The following PDE4B variants were observed in gnomAD, a reference collection of about 807,000 sequenced individuals.
PDE4B encodes the protein phosphodiesterase 4B.
A neutral mutation model predicts 82.2 loss-of-function variants in PDE4B; 20 were observed. The ratio of observed to expected loss-of-function variants is 0.24; its 90% CI spans 0.17 to 0.35. PDE4B has a LOEUF of 0.35. Among genes scored for constraint, PDE4B ranks in the 10% least tolerant of loss-of-function variants. PDE4B has a pLI of 1.00. For synonymous variants in PDE4B, 320 were observed against 318.9 expected (o/e 1.00, Z -0.04); for missense variants, 655 against 907.2 (o/e 0.72, Z 3.57).
chr1:66,118,686 G>T (rs1645647279), intron 3 of PDE4B, among the ~76,000 whole-genome samples: 1 of 151,938 alleles, frequency 6.6e-6, no homozygotes, highest in Non-Finnish European at 1.5e-5. Context: ...TGCATGTTGT[G>T]CACATGTACC....
chr1:65,975,758 AG>A (rs1303320745), intron 3 of PDE4B, among the ~76,000 whole-genome samples: 1 of 152,224 alleles, frequency 6.6e-6, no homozygotes, highest in African/African-American at 2.4e-5. Context: ...CCATTGCTTC[AG>A]GGGGAGTAAG....
intron 7 of PDE4B, among the ~76,000 whole-genome samples, chr1:66,295,618 A>G (rs928933689): frequency 1.3e-5 from 2 of 152,026 alleles, no homozygotes; most frequent in Non-Finnish European, 2.9e-5. Context: ...CAGTAGAGAC[A>G]GGGTTTCACC....
At chr1:66,346,975 A>G (rs571143651) in intron 8 of PDE4B, among the ~76,000 whole-genome samples, 1 of 152,294 alleles carries the variant, frequency 6.6e-6, no homozygotes, top group Non-Finnish European at 1.5e-5. Flanking sequence ...ACTAAGTTAC[A>G]GTACATATTT....
chr1:65,908,496 CA>C (rs751037095), intron 1 of PDE4B, among the ~76,000 whole-genome samples: 6 of 152,070 alleles, frequency 3.9e-5, no homozygotes, highest in Admixed American at 6.6e-5. Flanking sequence ...TAGCAAGGAA[CA>C]GAGAAGAAAT....
At chr1:66,214,973 G>A (rs1025120994) in intron 3 of PDE4B, among the ~76,000 whole-genome samples, 11 of 152,072 alleles carry the variant, frequency 7.2e-5, no homozygotes, top group Admixed American at 7.2e-4. Flanking sequence ...GAGTGTGGTA[G>A]GGGTTAAAAA....
At chr1:65,850,248 C>A (rs1646316249) in intron 1 of PDE4B, among the ~76,000 whole-genome samples, 2 of 151,756 alleles carry the variant, frequency 1.3e-5, no homozygotes, top group South Asian at 4.2e-4. Flanking sequence ...AGGCGCCTGC[C>A]ACCATGCCCA....
intron 3 of PDE4B, among the ~76,000 whole-genome samples, chr1:66,164,787 C>T (rs1255875559): frequency 5.2e-5 from 7 of 134,344 alleles, no homozygotes; most frequent in East Asian, 4.3e-4. Flanking sequence ...GACAGAGTCT[C>T]GCTCTGTCAC....
intron 7 of PDE4B, among the ~76,000 whole-genome samples, chr1:66,280,265 G>A (rs1015793626): frequency 6.6e-6 from 1 of 152,226 alleles, no homozygotes; most frequent in Non-Finnish European, 1.5e-5. Context: ...CACCTTGACA[G>A]TGCGCAAGTA....
At chr1:66,051,960 G>A (rs1448837551) in intron 3 of PDE4B, among the ~76,000 whole-genome samples, 1 of 152,056 alleles carries the variant, frequency 6.6e-6, no homozygotes, top group African/African-American at 2.4e-5. Context: ...ATGAAGGTTG[G>A]GGTATAAAGG....
chr1:66,076,185 CTCT>C (rs573850024), intron 3 of PDE4B, among the ~76,000 whole-genome samples: 24 of 152,198 alleles, frequency 1.6e-4, no homozygotes, highest in Non-Finnish European at 2.9e-4. Context: ...TGCCCACCTG[CTCT>C]TCTTATATTT....
intron 1 of PDE4B, among the ~76,000 whole-genome samples, chr1:65,907,505 G>A (rs199661144): frequency 3.3e-5 from 5 of 152,228 alleles, no homozygotes; most frequent in East Asian, 1.9e-4. Flanking sequence ...GCTGGGAGTG[G>A]AGACAGCAGT....
intron 3 of PDE4B, among the ~76,000 whole-genome samples, chr1:66,041,823 C>T (rs4655812): frequency 6.0e-5 from 6 of 100,566 alleles, no homozygotes; most frequent in East Asian, 3.4e-4. Context: ...CACACACACA[C>T]ACACATACAC....
At chr1:66,219,070 G>A (rs1350773423) in intron 3 of PDE4B, among the ~76,000 whole-genome samples, 1 of 152,146 alleles carries the variant, frequency 6.6e-6, no homozygotes, top group East Asian at 1.9e-4. Context: ...ATATAAATAT[G>A]TAGGGGTCCC....
intron 3 of PDE4B, chr1:65,993,207 G>A: frequency 8.1e-7 from 1 of 1,230,926 alleles, no homozygotes; most frequent in South Asian, 1.4e-5. Context: ...CAGTGATCTA[G>A]CAGTGTAGAA....
chr1:65,794,936 A>G (rs1410120318), intron 1 of PDE4B, among the ~76,000 whole-genome samples: 1 of 152,142 alleles, frequency 6.6e-6, no homozygotes, highest in African/African-American at 2.4e-5. Context: ...ATGGCTTGAC[A>G]TATTTTGCAA....
chr1:66,041,677 T>A lies in PDE4B; in HGVS notation c.281+122842T>A, dbSNP rs76556104. ...TAGCTGTCTCTGCTACGTGCTCCAG[T>A]TAGATTTCTGTGCTTTGTAACAGCA... On this transcript the variant is annotated intron_variant, in intron 3 of 16. Transcript: ENST00000341517. Among the ~76,000 whole-genome samples the A allele has an allele frequency of 5.2e-3, 795 of 151,996 alleles. 19 individuals are homozygous for A. The East Asian group carries it at 0.062, about 12-fold the overall frequency.
intron 1 of PDE4B, among the ~76,000 whole-genome samples, chr1:65,899,510 A>G (rs547672847): frequency 1.7e-3 from 251 of 151,906 alleles, no homozygotes; most frequent in African/African-American, 5.2e-3. Context: ...TACAAAAAAG[A>G]TACTTGCACA....
At chr1:66,229,783 C>T (rs1035486118) in intron 3 of PDE4B, among the ~76,000 whole-genome samples, 1 of 152,034 alleles carries the variant, frequency 6.6e-6, no homozygotes, top group Non-Finnish European at 1.5e-5. Context: ...ACTTCTAAAT[C>T]TTTATACATA....
At chr1:66,190,329 C>T (rs574593578) in intron 3 of PDE4B, among the ~76,000 whole-genome samples, 5 of 152,310 alleles carry the variant, frequency 3.3e-5, no homozygotes, top group South Asian at 2.1e-4. Flanking sequence ...TCTCCAGCTG[C>T]GTGCTGGGAG....
Sources: gnomAD v4.1 joint callset for allele counts (sites outside exome capture counted in the v4.1 genomes callset) on GRCh38, gnomAD v4.1.1 for gene constraint, MANE v1.5 for transcripts, NCBI Gene and HGNC (gene_info 2026-07-23, HGNC 2026-07-21) for gene names.